The following MAF variants were observed in gnomAD, a reference collection of about 807,000 sequenced individuals.
MAF encodes the protein transcription factor Maf.
Under a neutral mutation model 22.0 loss-of-function variants are expected in MAF, and 10 were observed. The observed-to-expected ratio is 0.45, with a 90% CI of 0.28 to 0.77. The LOEUF (loss-of-function observed/expected upper bound fraction) is 0.77. MAF is among the 30% of genes least tolerant of loss of function. MAF has a pLI of 0.12. For missense variants in MAF, 544 were observed against 548.4 expected (o/e 0.99, Z 0.08); for synonymous variants, 337 against 255.8 (o/e 1.32, Z -3.03).
At chr16:79,474,055 G>A in the MAF span, among the ~76,000 whole-genome samples, 1 of 152,098 alleles carries the variant, frequency 6.6e-6, no homozygotes, top group Non-Finnish European at 1.5e-5. Flanking sequence ...GGGCACAGGA[G>A]AGAGGAAGAT....
chr16:79,227,219 C>T, the MAF span, among the ~76,000 whole-genome samples: 1 of 151,990 alleles, frequency 6.6e-6, no homozygotes, highest in African/African-American at 2.4e-5. Context: ...GGCATGGCGG[C>T]ACACACCTGT....
Position 79,599,634 on chromosome 16 carries a change from T to C in MAF, c.269A>G (p.Asp90Gly). The change falls in exon 1 of 2, where the codon GAC becomes GGC. Residue 90 changes from aspartate (D) to glycine (G), a missense_variant. Physicochemically the swap from Asp to Gly is moderately conservative, Grantham distance 94 (BLOSUM62 -1). This residue lies in a region of MAF where 342 missense variants were observed against 315.5 expected (regional missense o/e 1.08). Coordinates refer to ENST00000326043, the MANE Select transcript of MAF (RefSeq NM_005360.5). ...SGSEQKAHLEDYYWMTGYPQQ... is the reference protein window; with the variant it reads ...SGSEQKAHLEGYYWMTGYPQQ... ...CGGGTAGCCGGTCATCCAGTAGTAG[T>C]CTTCCAGGTGCGCCTTCTGCTCGCT... 2 of 1,611,566 alleles carry C rather than the reference T, an allele frequency of 1.2e-6. No homozygotes were observed. Among genetic ancestry groups the C allele is most frequent in the Non-Finnish European group, 8.5e-7 (1 of 1,179,482 alleles).
At chr16:79,498,386 T>G in the MAF span, among the ~76,000 whole-genome samples, 1 of 152,172 alleles carries the variant, frequency 6.6e-6, no homozygotes, top group African/African-American at 2.4e-5. Context: ...TCATATAATC[T>G]GTATGTGTGA....
chr16:79,346,497 C>A, the MAF span, among the ~76,000 whole-genome samples: 7 of 151,956 alleles, frequency 4.6e-5, no homozygotes, highest in African/African-American at 1.7e-4. Flanking sequence ...CTTTGTCTAA[C>A]GGCAAAGAAA....
the MAF span, among the ~76,000 whole-genome samples, chr16:79,296,574 T>A: frequency 2.4e-4 from 37 of 152,310 alleles, no homozygotes; most frequent in Non-Finnish European, 4.4e-4. Context: ...AATAGGCATT[T>A]CGGCAGCTTC....
At chr16:79,254,521 T>G in the MAF span, among the ~76,000 whole-genome samples, 1 of 152,234 alleles carries the variant, frequency 6.6e-6, no homozygotes, top group Non-Finnish European at 1.5e-5. Context: ...AAATTACTTA[T>G]TTATGGTTGA....
chr16:79,437,845 G>A, the MAF span, among the ~76,000 whole-genome samples: 2 of 152,188 alleles, frequency 1.3e-5, no homozygotes, highest in Non-Finnish European at 2.9e-5. Flanking sequence ...CTGGGAAGGG[G>A]GTTCCCACAT....
the MAF span, among the ~76,000 whole-genome samples, chr16:79,346,563 C>G: frequency 6.6e-6 from 1 of 152,152 alleles, no homozygotes; most frequent in African/African-American, 2.4e-5. Context: ...AGGCATTAGT[C>G]TTCAACCTCA....
the MAF span, among the ~76,000 whole-genome samples, chr16:79,439,562 G>A: frequency 6.6e-6 from 1 of 152,092 alleles, no homozygotes; most frequent in Non-Finnish European, 1.5e-5. Context: ...CGCCTGGCCA[G>A]CACTTAATAT....
At chr16:79,544,641 G>A in the MAF span, among the ~76,000 whole-genome samples, 1 of 151,818 alleles carries the variant, frequency 6.6e-6, no homozygotes, top group Non-Finnish European at 1.5e-5. Context: ...AGGCGTGGTG[G>A]CAGGTACCTG....
the MAF span, among the ~76,000 whole-genome samples, chr16:79,324,673 C>T: frequency 1.8e-4 from 27 of 152,256 alleles, no homozygotes; most frequent in Admixed American, 1.6e-3. Flanking sequence ...CACCCACCAC[C>T]TCTACAGAAA....
the MAF span, among the ~76,000 whole-genome samples, chr16:79,537,449 C>T: frequency 5.3e-5 from 8 of 152,228 alleles, no homozygotes; most frequent in East Asian, 1.5e-3. Context: ...CATTTTACAG[C>T]TGAAGGCATT....
the MAF span, among the ~76,000 whole-genome samples, chr16:79,499,105 C>G: frequency 1.3e-5 from 2 of 152,162 alleles, no homozygotes; most frequent in Non-Finnish European, 2.9e-5. Context: ...CAGGCCTACT[C>G]GAAGCCAACT....
At chr16:79,254,341 A>G in the MAF span, among the ~76,000 whole-genome samples, 2 of 151,960 alleles carry the variant, frequency 1.3e-5, no homozygotes, top group Non-Finnish European at 2.9e-5. Flanking sequence ...TTTCTTTGTT[A>G]TTACTCTCCT....
the MAF span, among the ~76,000 whole-genome samples, chr16:79,230,952 G>C: frequency 2.0e-5 from 3 of 152,020 alleles, no homozygotes; most frequent in Non-Finnish European, 4.4e-5. Context: ...CAAAATATAC[G>C]GATATCACTT....
chr16:79,214,724 TTTTTTTG>T, the MAF span, among the ~76,000 whole-genome samples: 1 of 130,960 alleles, frequency 7.6e-6, no homozygotes, highest in African/African-American at 2.9e-5. Flanking sequence ...TTTTTTTTTT[TTTTTTTG>T]AGACAGAATC....
chr16:79,598,834 G>A lies in MAF; in HGVS notation c.1069C>T (p.Arg357Ter). The A allele has an allele frequency of 6.2e-7, 1 of 1,613,802 alleles. No individual in the cohort carries two copies. The highest frequency in any genetic ancestry group is 1.3e-5 in the African/African-American group (1 of 74,916). The change falls in exon 1 of 2, where the codon CGA becomes TGA. Residue 357 changes from arginine (R) to a stop codon, truncating the protein, a stop_gained. Coordinates refer to ENST00000326043, the MANE Select transcript of MAF (RefSeq NM_005360.5). LOFTEE classifies it high-confidence loss of function. Reference sequence around the variant, plus strand: ...TTGTCGCTGCTCGAGCCGTTTTCTCGGAAGCCGCTGCTCACCAACTTCTCG... The same window carrying A: ...TTGTCGCTGCTCGAGCCGTTTTCTCAGAAGCCGCTGCTCACCAACTTCTCG... ...KYEKLVSSGF[R>*]ENGSSSDNPS...
At chr16:79,270,956 A>G in the MAF span, among the ~76,000 whole-genome samples, 1 of 150,454 alleles carries the variant, frequency 6.6e-6, no homozygotes, top group African/African-American at 2.5e-5. Flanking sequence ...GATAGAGTGC[A>G]CTGGTGCAAT....
At chr16:79,251,167 C>T in the MAF span, among the ~76,000 whole-genome samples, 1 of 152,160 alleles carries the variant, frequency 6.6e-6, no homozygotes, top group Admixed American at 6.5e-5. Context: ...ACTTAGGATT[C>T]CAAAACTGAC....
Sources: gnomAD v4.1 joint callset for allele counts (sites outside exome capture counted in the v4.1 genomes callset) on GRCh38, gnomAD v4.1.1 for gene constraint, gnomAD v4.1.1 regional missense constraint, MANE v1.5 for transcripts, NCBI Gene and HGNC (gene_info 2026-07-23, HGNC 2026-07-21) for gene names.